DOCK3: variants seen among roughly 807,000 people sequenced by gnomAD.
DOCK3 encodes dedicator of cytokinesis protein 3.
Under a neutral mutation model 265.6 loss-of-function variants are expected in DOCK3, and 60 were observed. The observed-to-expected ratio is 0.23, with a 90% CI of 0.18 to 0.28. The LOEUF is 0.28. DOCK3 is among the 10% of genes least tolerant of loss of function. The pLI, the probability that DOCK3 is intolerant of heterozygous loss-of-function variation, is 1.00. For missense variants in DOCK3, 1,981 were observed against 2,594.3 expected, an observed-to-expected ratio of 0.76 and a Z score of 5.14; for synonymous variants, 881 against 938.0, an observed-to-expected ratio of 0.94 and a Z score of 1.11.
At chr3:51,251,402 G>A (rs1265739435) in intron 22 of DOCK3, among the ~76,000 whole-genome samples, 1 of 152,164 alleles carries the variant, frequency 6.6e-6, no homozygotes, top group Non-Finnish European at 1.5e-5. Context: ...GATGGCTTGG[G>A]CAAATGGTAT....
At chr3:50,834,229 G>C (rs2045369325) in intron 2 of DOCK3, among the ~76,000 whole-genome samples, 1 of 151,824 alleles carries the variant, frequency 6.6e-6, no homozygotes. Context: ...ACCTTGAAGA[G>C]GTTTTTTCAA....
chr3:51,289,146 A>G (rs2081590756), intron 27 of DOCK3, among the ~76,000 whole-genome samples: 1 of 152,192 alleles, frequency 6.6e-6, no homozygotes, highest in South Asian at 2.1e-4. Context: ...CTGCAGCAAC[A>G]TGGATGGAGC....
At chr3:51,105,023 T>C (rs182760255) in intron 9 of DOCK3, among the ~76,000 whole-genome samples, 61 of 152,286 alleles carry the variant, frequency 4.0e-4, no homozygotes, top group African/African-American at 1.4e-3. Context: ...AAAGCATGAG[T>C]ACTCCTACTA....
At chr3:51,231,121 C>CTTTTTTTTTTTTTTTTTTTTT (rs754271357) in intron 19 of DOCK3, among the ~76,000 whole-genome samples, 1 of 77,748 alleles carries the variant, frequency 1.3e-5, no homozygotes, top group African/African-American at 5.1e-5. Context: ...TATTTTTTGA[C>CTTTTTTTTTTTTTTTTTTTTT]TTTTTTTTTT....
intron 5 of DOCK3, among the ~76,000 whole-genome samples, chr3:50,940,465 T>C (rs2076261672): frequency 6.6e-6 from 1 of 152,210 alleles, no homozygotes; most frequent in African/African-American, 2.4e-5. Flanking sequence ...ATATTTGTTC[T>C]ATCCAGACTG....
At position 50,874,061 on chromosome 3, in the gene DOCK3, C is replaced by CT. The variant is rs1234594228; in HGVS notation, c.163-15961dup. 4.9e-3 allele frequency among the ~76,000 whole-genome samples: 510 copies of CT among 104,474 alleles called. 2 individuals are homozygous for CT. The highest frequency in any genetic ancestry group is 0.018 in the African/African-American group (479 of 26,494). The allele number at this position is 104,474 out of a possible 152,430, so 68.5% of individuals were successfully genotyped here. On this transcript the variant is annotated intron_variant, in intron 3 of 52. Transcript: ENST00000266037. ...GAAGGTGTTTTTTTTTTTTTCTTTT[C>CT]TTTTGTTTTTTTTTTTTTTGTTAAA...
chr3:50,843,348 G>C (rs2045930789), intron 3 of DOCK3, among the ~76,000 whole-genome samples: 1 of 151,968 alleles, frequency 6.6e-6, no homozygotes. Context: ...GGCAGGGTTG[G>C]CTGGAAGACT....
chr3:51,248,891 T>C (rs2078988395), intron 22 of DOCK3, among the ~76,000 whole-genome samples: 1 of 147,838 alleles, frequency 6.8e-6, no homozygotes, highest in African/African-American at 2.5e-5. Context: ...CGCCACCCCG[T>C]CTGGGAGGTG....
chr3:50,918,232 G>A (rs1457897725), intron 4 of DOCK3, among the ~76,000 whole-genome samples: 1 of 152,144 alleles, frequency 6.6e-6, no homozygotes, highest in Non-Finnish European at 1.5e-5. Flanking sequence ...GTGTGCATGT[G>A]TCTTTATAGT....
intron 49 of DOCK3, among the ~76,000 whole-genome samples, chr3:51,366,078 G>A (rs1424149080): frequency 2.6e-5 from 4 of 152,146 alleles, no homozygotes; most frequent in African/African-American, 4.8e-5. Context: ...GCTCCTCTTT[G>A]TACCTCTGGT....
chr3:50,754,998 A>G (rs201999895), intron 1 of DOCK3, among the ~76,000 whole-genome samples: 3 of 152,186 alleles, frequency 2.0e-5, no homozygotes, highest in African/African-American at 7.2e-5. Flanking sequence ...TAAAAATATC[A>G]AAATTGCAGC....
chr3:51,332,891 C>T (rs558602186), intron 33 of DOCK3, 110 bp from the exon 34 acceptor site: 9 of 1,440,328 alleles, frequency 6.2e-6, no homozygotes, highest in Admixed American at 1.9e-5. Flanking sequence ...TCCCTCCCCC[C>T]ACCTCAGTGG....
intron 4 of DOCK3, among the ~76,000 whole-genome samples, chr3:50,919,273 T>G (rs530309070): frequency 6.6e-6 from 1 of 151,664 alleles, no homozygotes; most frequent in South Asian, 2.1e-4. Context: ...GAACTTTAGT[T>G]TTTTCCAGTT....
intron 9 of DOCK3, among the ~76,000 whole-genome samples, chr3:51,126,571 C>G (rs922272488): frequency 6.6e-6 from 1 of 152,172 alleles, no homozygotes; most frequent in Non-Finnish European, 1.5e-5. Context: ...TTGGAGACAG[C>G]AAAGATGAAC....
chr3:50,907,220 G>A (rs963259950), intron 4 of DOCK3, among the ~76,000 whole-genome samples: 1 of 152,112 alleles, frequency 6.6e-6, no homozygotes, highest in Non-Finnish European at 1.5e-5. Context: ...TGAGAAGAAT[G>A]TATATTCTTT....
At chr3:51,274,160 G>A (rs2080676096) in intron 24 of DOCK3, among the ~76,000 whole-genome samples, 1 of 152,214 alleles carries the variant, frequency 6.6e-6, no homozygotes. Flanking sequence ...TGTTCAGTAG[G>A]ATTGGTGATA....
intron 4 of DOCK3, among the ~76,000 whole-genome samples, chr3:50,907,523 T>C (rs145797275): frequency 0.042 from 6,361 of 151,974 alleles, 478 homozygotes; most frequent in African/African-American, 0.14. Flanking sequence ...TTCTTTGTCT[T>C]TTTTGATCTT....
intron 6 of DOCK3, among the ~76,000 whole-genome samples, chr3:51,072,699 C>T (rs1412803383): frequency 1.3e-5 from 2 of 151,966 alleles, no homozygotes; most frequent in African/African-American, 2.4e-5. Context: ...TGAGCCATGG[C>T]GCTCAGCTGA....
At chr3:51,355,479 G>C (rs983756474) in intron 41 of DOCK3, among the ~76,000 whole-genome samples, 10 of 152,208 alleles carry the variant, frequency 6.6e-5, no homozygotes, top group African/African-American at 2.2e-4. Flanking sequence ...CAGGGCCCAA[G>C]GATGTGTGGA....
Sources: allele counts gnomAD v4.1 joint callset (sites outside exome capture counted in the v4.1 genomes callset), GRCh38; gene constraint gnomAD v4.1.1; transcripts MANE v1.5; gene names NCBI Gene and HGNC (gene_info 2026-07-23, HGNC 2026-07-21).